The following NRG3 variants were observed in gnomAD, a reference collection of about 807,000 sequenced individuals.
The protein encoded by NRG3 is pro-neuregulin-3, membrane-bound isoform.
Under a neutral mutation model 66.9 loss-of-function variants are expected in NRG3, and 31 were observed. The observed-to-expected ratio is 0.46, with a 90% CI of 0.35 to 0.63. NRG3 has a LOEUF of 0.63. Ranked by LOEUF, NRG3 falls within the 20% of genes least tolerant of loss-of-function variation. NRG3 has a pLI of 0.00. For missense variants in NRG3, 910 were observed against 878.9 expected, an observed-to-expected ratio of 1.04 and a Z score of -0.45; for synonymous variants, 393 against 359.4, an observed-to-expected ratio of 1.09 and a Z score of -1.06.
At chr10:82,707,567 T>G (rs1055230704) in intron 2 of NRG3, among the ~76,000 whole-genome samples, 2 of 47,742 alleles carry the variant, frequency 4.2e-5, no homozygotes, top group African/African-American at 7.6e-5. Context: ...TTGTTTGTTT[T>G]TGTTTTTGTA....
At chr10:82,355,950 G>A (rs1293638580) in intron 1 of NRG3, among the ~76,000 whole-genome samples, 1 of 152,114 alleles carries the variant, frequency 6.6e-6, no homozygotes, top group Non-Finnish European at 1.5e-5. Context: ...TTTGAATTCA[G>A]TAAAGTCATT....
chr10:82,744,572 G>A (rs988368329), intron 3 of NRG3, among the ~76,000 whole-genome samples: 1 of 152,140 alleles, frequency 6.6e-6, no homozygotes, highest in Admixed American at 6.5e-5. Flanking sequence ...AAGAATTTCG[G>A]TGGGACACAA....
rs541603409 is a variant in NRG3, at chr10:82,359,181, G to C, written c.953+313G>C. On this transcript the variant is annotated intron_variant, in intron 2 of 8. Transcript: ENST00000372141. The stretch of plus-strand genomic sequence containing the variant: ...TAGAAGCGTCTGTTTATGATGTGGA[G>C]CTTAGGCATATATCCTAGTACTCAG... Among the ~76,000 whole-genome samples the C allele has an allele frequency of 7.2e-5, 11 of 152,324 alleles. No individual in the cohort carries two copies. The East Asian group carries it at 2.1e-3, about 29-fold the overall frequency.
chr10:82,513,973 G>A (rs541836009), intron 2 of NRG3, among the ~76,000 whole-genome samples: 9 of 151,912 alleles, frequency 5.9e-5, no homozygotes, highest in South Asian at 2.1e-4. Flanking sequence ...TTTGTTGGCC[G>A]CATGTCTGTC....
chr10:82,113,952 CT>C (rs2067541315), intron 1 of NRG3, among the ~76,000 whole-genome samples: 1 of 152,030 alleles, frequency 6.6e-6, no homozygotes, highest in South Asian at 2.1e-4. Flanking sequence ...AACATGTATG[CT>C]TTCTTTAATT....
intron 2 of NRG3, among the ~76,000 whole-genome samples, chr10:82,631,158 C>T (rs1458710508): frequency 6.6e-6 from 1 of 152,144 alleles, no homozygotes; most frequent in Non-Finnish European, 1.5e-5. Context: ...TAGCACTTTA[C>T]AGAAAGCTGC....
At chr10:82,894,141 C>T (rs970884657) in intron 4 of NRG3, among the ~76,000 whole-genome samples, 6 of 152,258 alleles carry the variant, frequency 3.9e-5, no homozygotes, top group African/African-American at 1.4e-4. Flanking sequence ...AAGACAAAAT[C>T]TGTCAAAAAC....
At chr10:82,655,087 A>G (rs1462149124) in intron 2 of NRG3, among the ~76,000 whole-genome samples, 1 of 151,964 alleles carries the variant, frequency 6.6e-6, no homozygotes, top group Non-Finnish European at 1.5e-5. Flanking sequence ...ATTTAAAATG[A>G]TATACTGTCT....
intron 3 of NRG3, among the ~76,000 whole-genome samples, chr10:82,758,359 G>A (rs1006097718): frequency 4.6e-5 from 7 of 152,016 alleles, no homozygotes; most frequent in Non-Finnish European, 4.4e-5. Context: ...TATTATAAAT[G>A]ACCAGATCAG....
intron 1 of NRG3, among the ~76,000 whole-genome samples, chr10:81,928,873 G>A (rs1589490678): frequency 6.6e-6 from 1 of 152,168 alleles, no homozygotes; most frequent in African/African-American, 2.4e-5. Flanking sequence ...CCAGGCTGGA[G>A]TGAAGTGGAA....
chr10:82,042,683 C>T (rs892004642), intron 1 of NRG3, among the ~76,000 whole-genome samples: 2 of 152,006 alleles, frequency 1.3e-5, no homozygotes, highest in African/African-American at 2.4e-5. Flanking sequence ...TCATTAGCAT[C>T]AGTAATGTGT....
chr10:82,060,510 C>T (rs2064086800), intron 1 of NRG3, among the ~76,000 whole-genome samples: 1 of 152,108 alleles, frequency 6.6e-6, no homozygotes, highest in Non-Finnish European at 1.5e-5. Flanking sequence ...ATCAAAGATG[C>T]AATAGGGAAC....
intron 2 of NRG3, among the ~76,000 whole-genome samples, chr10:82,581,613 CA>C (rs1332060658): frequency 6.6e-6 from 1 of 151,836 alleles, no homozygotes; most frequent in Non-Finnish European, 1.5e-5. Flanking sequence ...TATAGAGTTT[CA>C]GTTTTATAAA....
intron 2 of NRG3, among the ~76,000 whole-genome samples, chr10:82,489,043 T>A (rs892928309): frequency 1.3e-5 from 2 of 152,154 alleles, no homozygotes; most frequent in Non-Finnish European, 2.9e-5. Flanking sequence ...GGAGCTTTTG[T>A]TTAATTAGCC....
At chr10:82,702,307 A>G (rs1231589286) in intron 2 of NRG3, among the ~76,000 whole-genome samples, 1 of 152,198 alleles carries the variant, frequency 6.6e-6, no homozygotes, top group African/African-American at 2.4e-5. Context: ...AAGTTTTTGA[A>G]AGCAGTATCT....
At chr10:82,362,844 A>ACACCTT (rs2084276060) in intron 2 of NRG3, among the ~76,000 whole-genome samples, 1 of 152,148 alleles carries the variant, frequency 6.6e-6, no homozygotes, top group South Asian at 2.1e-4. Flanking sequence ...GGTAAATAGA[A>ACACCTT]TCAGAAGTGT....
At chr10:82,705,511 T>C (rs2056222585) in intron 2 of NRG3, among the ~76,000 whole-genome samples, 1 of 152,178 alleles carries the variant, frequency 6.6e-6, no homozygotes, top group Non-Finnish European at 1.5e-5. Flanking sequence ...GTTACCTACA[T>C]TTACCACATT....
chr10:82,031,422 C>G (rs2062562236), intron 1 of NRG3, among the ~76,000 whole-genome samples: 1 of 152,070 alleles, frequency 6.6e-6, no homozygotes, highest in Non-Finnish European at 1.5e-5. Context: ...TCCTTAGTTA[C>G]TGCTAATAAT....
At chr10:82,395,158 C>T (rs1318928408) in intron 2 of NRG3, among the ~76,000 whole-genome samples, 1 of 152,154 alleles carries the variant, frequency 6.6e-6, no homozygotes, top group Non-Finnish European at 1.5e-5. Context: ...AAATGAGACC[C>T]TCAAAGTACA....
Sources: gnomAD v4.1 joint callset for allele counts (sites outside exome capture counted in the v4.1 genomes callset) on GRCh38, gnomAD v4.1.1 for gene constraint, MANE v1.5 for transcripts, NCBI Gene and HGNC (gene_info 2026-07-23, HGNC 2026-07-21) for gene names.